The following RGS11 variants were observed in gnomAD, a reference collection of about 807,000 sequenced individuals.
RGS11 encodes the protein regulator of G-protein signaling 11.
RGS11 carries 86 observed loss-of-function variants against 71.1 expected under a neutral mutation model. The observed-to-expected ratio is 1.21, with a 90% CI of 1.02 to 1.45. The LOEUF is 1.45. Among genes scored for constraint, RGS11 ranks in the 40% most tolerant of loss-of-function variants. RGS11 has a pLI of 0.00. For synonymous variants in RGS11, 298 were observed against 254.2 expected, an observed-to-expected ratio of 1.17 and a Z score of -1.64; for missense variants, 734 against 635.1, an observed-to-expected ratio of 1.16 and a Z score of -1.67.
At position 275,346 on chromosome 16, in the gene RGS11, G is replaced by T; in HGVS notation, c.161-13C>A. ...ACGACGTCGCTGCCTGCACGGGAGA[G>T]ACAGAGGTGGAGGGAGGCCGAGGCG... On this transcript the variant is annotated splice_polypyrimidine_tract_variant and intron_variant, in intron 2 of 16. Coordinates refer to ENST00000397770, the MANE Select transcript of RGS11 (RefSeq NM_183337.3). 1 of 1,612,086 alleles carries T rather than the reference G, an allele frequency of 6.2e-7. No individual in the cohort carries two copies. The highest frequency in any genetic ancestry group is 1.1e-5 in the South Asian group (1 of 91,072).
rs916194 is a variant in RGS11, at chr16:269,399, C to G, written c.1290-16G>C. ...CGGGAACACGCTGTGGGCGAGAAGG[C>G]GGCTGAGAACAGGCTGGCCAGCTGG... On this transcript the variant is annotated splice_polypyrimidine_tract_variant and intron_variant, in intron 16 of 16. Coordinates refer to ENST00000397770, the MANE Select transcript of RGS11 (RefSeq NM_183337.3). 0.095 allele frequency: 151,998 copies of G among 1,591,920 alleles called. 9,328 individuals are homozygous for G. Among genetic ancestry groups the G allele is most frequent in the East Asian group, 0.29 (12,916 of 44,252 alleles).
At chr16:274,553 A>G in intron 4 of RGS11, 1 of 592,470 alleles carries the variant, frequency 1.7e-6, no homozygotes, top group Non-Finnish European at 3.1e-6. Flanking sequence ...CAAGTCTTGG[A>G]TGTAGTCACA....
intron 9 of RGS11, 95 bp from the exon 10 acceptor site, chr16:271,664 C>T (rs1340645579): frequency 3.3e-6 from 4 of 1,215,146 alleles, no homozygotes; most frequent in South Asian, 1.2e-5. Context: ...TGAGCCCCTG[C>T]CCCATAGATC....
rs761131273 is a variant in RGS11, at chr16:271,607, C to G, written c.658-38G>C. 5.0e-6 allele frequency: 8 copies of G among 1,606,338 alleles called. No homozygotes were observed. In the South Asian group the frequency reaches 8.8e-5, roughly 18 times the overall value. On this transcript the variant is annotated intron_variant, in intron 9 of 16. Coordinates refer to ENST00000397770, the MANE Select transcript of RGS11 (RefSeq NM_183337.3). ...AGGTGGGCTGCAGTTAGATGCAGGT[C>G]CCCTGCTGGGGTCCAAAATCCCCAG...
rs556974692 is a variant in RGS11, at chr16:270,777, G to T, written c.1034C>A (p.Ala345Asp). Residue 345 changes from alanine (A) to aspartate (D), a missense_variant, in exon 14 of 17, where the codon GCC (alanine) becomes GAC (aspartate). Coordinates refer to ENST00000397770, the MANE Select transcript of RGS11 (RefSeq NM_183337.3). ...GGCATCCACCAGGGTGGGGACCTGGGCCTGCGCTCCATATCGAAGCTCCTC... is the reference window on the plus strand; with the variant it reads ...GGCATCCACCAGGGTGGGGACCTGGTCCTGCGCTCCATATCGAAGCTCCTC... ...ACEELRYGAQ[A>D]QVPTLVDAVY... 1 of 1,612,462 alleles carries T rather than the reference G, an allele frequency of 6.2e-7. No individual in the cohort carries two copies. Among genetic ancestry groups the T allele is most frequent in the African/African-American group, 1.3e-5 (1 of 74,924 alleles).
Position 273,795 on chromosome 16 carries a change from C to T in RGS11, c.471G>A (p.Trp157Ter). Residue 157 changes from tryptophan to a stop codon, truncating the protein, a stop_gained, in exon 7 of 17, where the codon TGG becomes TGA. Coordinates refer to ENST00000397770, the MANE Select transcript of RGS11 (RefSeq NM_183337.3). LOFTEE classifies it high-confidence loss of function. ...DRLHKKINHA[W>*]DLVLMQAREQ... The stretch of plus-strand genomic sequence containing the variant: ...CCCTCGCCTGCATCAGCACCAGGTC[C>T]CATGCGTGGTTGATCTTCTTGTGTA... 6.2e-7 allele frequency: 1 copy of T among 1,613,230 alleles called. No homozygotes were observed. The highest frequency in any genetic ancestry group is 1.1e-5 in the South Asian group (1 of 91,088).
chr16:275,547 A>ATT, intron 1 of RGS11, 49 bp from the exon 2 acceptor site: 2 of 1,437,126 alleles, frequency 1.4e-6, no homozygotes, highest in Non-Finnish European at 1.9e-6. Context: ...CGCAACCCTG[A>ATT]TTCCCTGGCA....
At chr16:273,662 C>T (rs377721106) in intron 7 of RGS11, 98 bp downstream of exon 7, 3 of 1,517,016 alleles carry the variant, frequency 2.0e-6, no homozygotes, top group African/African-American at 2.7e-5. Flanking sequence ...GGGGTGCCCT[C>T]CACGGTCCCA....
In RGS11 at chr16:273,515, G is replaced by C. The variant is rs189514217; in HGVS notation, c.548C>G (p.Ala183Gly). Reference protein sequence around the residue: ...QRSKGDRLVIACQEQTYWLVN... With the variant: ...QRSKGDRLVIGCQEQTYWLVN... ...CAGCCAGTAGGTCTGCTCCTGGCAC[G>C]CAATGACCAGCCTGTCCCCCTTGCT... is the stretch of plus-strand genomic sequence containing the variant. Residue 183 changes from alanine (A) to glycine (G), a missense_variant, in exon 8 of 17, where the codon GCG becomes GGG. Physicochemically the swap from Ala to Gly is moderately conservative, Grantham distance 60 (BLOSUM62 0). Transcript: ENST00000397770. 1.3e-6 allele frequency: 2 copies of C among 1,557,332 alleles called. No homozygotes were observed. The highest frequency in any genetic ancestry group is 3.9e-5 in the Admixed American group (2 of 51,522).
At chr16:274,159 C>T (rs546845374) in intron 5 of RGS11, 55 bp downstream of exon 5, 6 of 1,584,742 alleles carry the variant, frequency 3.8e-6, no homozygotes, top group Middle Eastern at 1.7e-4. Flanking sequence ...CACGGCATCA[C>T]CCTGAGGCCC....
At position 275,281 on chromosome 16, in the gene RGS11, A is replaced by C. The variant is rs115434687; in HGVS notation, c.211+2T>G. On this transcript the variant is annotated splice_donor_variant, in intron 3 of 16. Coordinates refer to ENST00000397770, the MANE Select transcript of RGS11 (RefSeq NM_183337.3). LOFTEE classifies it high-confidence loss of function. ...GGGCCCAGTGGGAGGCAGGGCGCTCACCCTCCTCCGAGACGCAGAACTTCT... is the reference window on the plus strand; with the variant it reads ...GGGCCCAGTGGGAGGCAGGGCGCTCCCCCTCCTCCGAGACGCAGAACTTCT... The C allele has an allele frequency of 3.3e-5, 54 of 1,612,352 alleles. 1 individual carries two copies. In the African/African-American group the frequency reaches 6.4e-4, roughly 19 times the overall value.
In RGS11 at chr16:273,841, G is replaced by C; in HGVS notation, c.430-5C>G. 1 of 1,613,276 alleles carries C rather than the reference G, an allele frequency of 6.2e-7. No homozygotes were observed. The highest frequency in any genetic ancestry group is 8.5e-7 in the Non-Finnish European group (1 of 1,179,894). On this transcript the variant is annotated splice_region_variant and splice_polypyrimidine_tract_variant and intron_variant, in intron 6 of 16. Coordinates refer to ENST00000397770, the MANE Select transcript of RGS11 (RefSeq NM_183337.3). Reference sequence around the variant, plus strand: ...GTGTAGCCGGTCATAGCAGTCCTGGGGGCAGCGAGGTTTCCAGTGGGTCAC... The same window carrying C: ...GTGTAGCCGGTCATAGCAGTCCTGGCGGCAGCGAGGTTTCCAGTGGGTCAC...
Position 275,394 on chromosome 16 carries a change from C to G in RGS11, c.160+8G>C. On this transcript the variant is annotated splice_region_variant and intron_variant, in intron 2 of 16. Coordinates refer to ENST00000397770, the MANE Select transcript of RGS11 (RefSeq NM_183337.3). ...GCGCGCACGCACCCCCGCCCCGGCG[C>G]GCCTCACCTGTCACCGCGTGGGGAA... 6.2e-7 allele frequency: 1 copy of G among 1,608,198 alleles called. No homozygotes were observed. Among genetic ancestry groups the G allele is most frequent in the African/African-American group, 1.3e-5 (1 of 75,016 alleles).
In RGS11 at chr16:271,467, T is replaced by A. The variant is rs753426799; in HGVS notation, c.688-7A>T. On this transcript the variant is annotated splice_polypyrimidine_tract_variant and splice_region_variant and intron_variant, in intron 10 of 16. Transcript: ENST00000397770. The stretch of plus-strand genomic sequence containing the variant: ...CTTTCCTGAAGTACTCGATCTAGGA[T>A]GTGGGGCCTGTGAGTCAGGTCCCGG... 4 of 1,613,894 alleles carry A rather than the reference T, an allele frequency of 2.5e-6. No homozygotes were observed. Among genetic ancestry groups the A allele is most frequent in the Non-Finnish European group, 3.4e-6 (4 of 1,179,994 alleles).
At chr16:271,671 G>T in intron 9 of RGS11, 102 bp from the exon 10 acceptor site, 9 of 1,154,470 alleles carry the variant, frequency 7.8e-6, no homozygotes, top group Non-Finnish European at 1.2e-5. Context: ...CTGCCCCATA[G>T]ATCTGGCAGA....
rs943334462 is a variant in RGS11 at position 268,813 on chromosome 16, G to A, written c.*456C>T. Reference sequence around the variant, plus strand: ...CGACAGCGGAGAGGCTCTTGGACGGGGCAGAGCTCGCGCCGAGACCTGCAT... The same window carrying A: ...CGACAGCGGAGAGGCTCTTGGACGGAGCAGAGCTCGCGCCGAGACCTGCAT... On this transcript the variant is annotated 3_prime_UTR_variant, in exon 17 of 17. Transcript: ENST00000397770. 3.9e-6 allele frequency: 6 copies of A among 1,550,270 alleles called. No homozygotes were observed. In the East Asian group the frequency reaches 1.2e-4, roughly 32 times the overall value.
chr16:274,405 G>A (rs1465156377), intron 4 of RGS11, 140 bp from the exon 5 acceptor site: 3 of 798,050 alleles, frequency 3.8e-6, no homozygotes, highest in Admixed American at 4.8e-5. Context: ...CCACCACCGA[G>A]AGACTCCACT....
At position 271,201 on chromosome 16, in the gene RGS11, C is replaced by T. The variant is rs200760725; in HGVS notation, c.863+1G>A. Reference sequence around the variant, plus strand: ...AGTCCCGCTGCCCCGCCTGGGCTCACGTGGGGGCATTCATGACCCAGTAGG... The same window carrying T: ...AGTCCCGCTGCCCCGCCTGGGCTCATGTGGGGGCATTCATGACCCAGTAGG... On this transcript the variant is annotated splice_donor_variant, in intron 12 of 16. Transcript: ENST00000397770. LOFTEE classifies it high-confidence loss of function. 5.2e-4 allele frequency: 837 copies of T among 1,611,962 alleles called. 7 individuals are homozygous for T. In the East Asian group the frequency reaches 0.017, roughly 33 times the overall value.
At chr16:272,464 G>A in intron 9 of RGS11, 1 of 1,329,052 alleles carries the variant, frequency 7.5e-7, no homozygotes, top group South Asian at 1.2e-5. Context: ...GCTCCCTCTG[G>A]TCTGGTCCCT....
Sources: gnomAD v4.1 joint callset for allele counts on GRCh38, gnomAD v4.1.1 for gene constraint, MANE v1.5 for transcripts, NCBI Gene and HGNC (gene_info 2026-07-23, HGNC 2026-07-21) for gene names.